Variants in CNTNAP2 observed in about 807,000 individuals in gnomAD.
CNTNAP2 encodes the protein contactin-associated protein-like 2.
In CNTNAP2, 98 loss-of-function variants were observed where a neutral mutation model predicts 155.2. The observed-to-expected ratio is 0.63, with a 90% confidence interval of 0.54 to 0.75. The LOEUF is 0.75. Among genes scored for constraint, CNTNAP2 ranks in the 30% least tolerant of loss-of-function variants. The pLI, the probability that CNTNAP2 is intolerant of heterozygous loss-of-function variation, is 0.00. For missense variants in CNTNAP2, 1,727 were observed against 1,688.1 expected (o/e 1.02, Z -0.40); for synonymous variants, 651 against 631.2 (o/e 1.03, Z -0.47).
intron 1 of CNTNAP2, among the ~76,000 whole-genome samples, chr7:146,383,788 G>A (rs1173228894): frequency 6.6e-6 from 1 of 152,068 alleles, no homozygotes; most frequent in East Asian, 1.9e-4. Context: ...CAATAGTCTT[G>A]TTTTCATTTG....
intron 16 of CNTNAP2, among the ~76,000 whole-genome samples, chr7:148,129,535 C>T (rs1460105048): frequency 6.6e-6 from 1 of 152,066 alleles, no homozygotes; most frequent in East Asian, 1.9e-4. Context: ...AAGATATGCA[C>T]ATTTTACCGT....
At chr7:147,920,271 A>C (rs1043624740) in intron 14 of CNTNAP2, among the ~76,000 whole-genome samples, 17 of 144,898 alleles carry the variant, frequency 1.2e-4, no homozygotes, top group Non-Finnish European at 2.2e-4. Context: ...CAGGAGAATC[A>C]CTTGAACCTG....
intron 15 of CNTNAP2, among the ~76,000 whole-genome samples, chr7:148,061,761 CAAT>C (rs1201130091): frequency 6.6e-6 from 1 of 151,824 alleles, no homozygotes; most frequent in Admixed American, 6.6e-5. Flanking sequence ...AAAGACTAAA[CAAT>C]ATAAGACAAT....
intron 1 of CNTNAP2, among the ~76,000 whole-genome samples, chr7:146,618,455 G>A (rs1282489199): frequency 6.6e-6 from 1 of 152,092 alleles, no homozygotes; most frequent in Non-Finnish European, 1.5e-5. Flanking sequence ...CAACCTATCT[G>A]TATTACACTA....
intron 13 of CNTNAP2, among the ~76,000 whole-genome samples, chr7:147,791,441 G>GTC (rs201629517): frequency 1.4e-5 from 2 of 140,880 alleles, no homozygotes; most frequent in Admixed American, 7.2e-5. Context: ...TCTGTTTGCT[G>GTC]TCTCTCTCTC....
chr7:146,418,273 C>T (rs1795964528), intron 1 of CNTNAP2, among the ~76,000 whole-genome samples: 1 of 152,196 alleles, frequency 6.6e-6, no homozygotes, highest in Non-Finnish European at 1.5e-5. Flanking sequence ...AACTCTGTTT[C>T]ACTCGGCCAC....
intron 1 of CNTNAP2, among the ~76,000 whole-genome samples, chr7:146,380,784 CTTTTTTTTTTTTTTTTTTTT>C (rs56886106): frequency 3.1e-4 from 12 of 38,810 alleles, no homozygotes; most frequent in Non-Finnish European, 4.4e-4. Flanking sequence ...TATGCACGTT[CTTTTTTTTTTTTTTTTTTTT>C]TTTTTTTTTT....
At chr7:146,677,490 GC>G (rs1427288605) in intron 1 of CNTNAP2, among the ~76,000 whole-genome samples, 18 of 152,096 alleles carry the variant, frequency 1.2e-4, no homozygotes, top group African/African-American at 3.4e-4. Flanking sequence ...CCTTCGGAAT[GC>G]CCTTGGCTGA....
At chr7:146,163,889 A>G (rs1274697374) in intron 1 of CNTNAP2, among the ~76,000 whole-genome samples, 2 of 152,140 alleles carry the variant, frequency 1.3e-5, no homozygotes, top group Non-Finnish European at 2.9e-5. Flanking sequence ...TGAGTTTAGT[A>G]AGTGTTCCAG....
chr7:146,969,229 A>G (rs1039727458), intron 3 of CNTNAP2, among the ~76,000 whole-genome samples: 3 of 152,134 alleles, frequency 2.0e-5, no homozygotes, highest in African/African-American at 7.2e-5. Flanking sequence ...CTTTACTTCC[A>G]ACTATGTGGT....
At chr7:146,756,786 C>A (rs754944116) in intron 1 of CNTNAP2, among the ~76,000 whole-genome samples, 4 of 151,858 alleles carry the variant, frequency 2.6e-5, no homozygotes, top group African/African-American at 9.7e-5. Flanking sequence ...CTGTTCTTAG[C>A]GCATTTGAAA....
intron 13 of CNTNAP2, among the ~76,000 whole-genome samples, chr7:147,653,990 A>G (rs1167389222): frequency 6.6e-6 from 1 of 152,242 alleles, no homozygotes; most frequent in Non-Finnish European, 1.5e-5. Flanking sequence ...GAAGCTTAAT[A>G]TGTAAACGAG....
intron 14 of CNTNAP2, among the ~76,000 whole-genome samples, chr7:147,915,573 ATAAAATGT>A (rs1800144373): frequency 5.9e-5 from 9 of 152,294 alleles, no homozygotes; most frequent in Admixed American, 5.9e-4. Flanking sequence ...TGTGTATAAA[ATAAAATGT>A]TAAAATGGAC....
intron 1 of CNTNAP2, among the ~76,000 whole-genome samples, chr7:146,719,725 T>G (rs578224453): frequency 5.0e-5 from 5 of 99,162 alleles, no homozygotes; most frequent in African/African-American, 3.5e-4. Flanking sequence ...CTTTCTCCAT[T>G]TTTTTTTTGA....
At chr7:147,976,014 T>G (rs1371125210) in intron 14 of CNTNAP2, among the ~76,000 whole-genome samples, 1 of 150,622 alleles carries the variant, frequency 6.6e-6, no homozygotes, top group African/African-American at 2.5e-5. Flanking sequence ...GCATCATACA[T>G]AGACAATACA....
intron 13 of CNTNAP2, among the ~76,000 whole-genome samples, chr7:147,701,113 T>C (rs553161889): frequency 4.6e-5 from 7 of 152,320 alleles, no homozygotes; most frequent in South Asian, 2.1e-4. Flanking sequence ...CATAACTCCT[T>C]AGAGATGCAT....
intron 13 of CNTNAP2, among the ~76,000 whole-genome samples, chr7:147,661,117 C>T (rs1163427007): frequency 6.6e-6 from 1 of 152,138 alleles, no homozygotes; most frequent in Non-Finnish European, 1.5e-5. Context: ...CTATAATATG[C>T]ACTTCCCTCC....
chr7:147,759,049 C>T (rs1430706535), intron 13 of CNTNAP2, among the ~76,000 whole-genome samples: 8 of 151,942 alleles, frequency 5.3e-5, no homozygotes, highest in Non-Finnish European at 1.2e-4. Context: ...ATATAATAAG[C>T]TTTTCATGAA....
At chr7:146,869,371 C>A (rs182630957) in intron 3 of CNTNAP2, among the ~76,000 whole-genome samples, 4 of 152,202 alleles carry the variant, frequency 2.6e-5, no homozygotes, top group Admixed American at 6.5e-5. Context: ...GGCATGAAAC[C>A]TACTTGATCA....
Sources: gnomAD v4.1 joint callset for allele counts (sites outside exome capture counted in the v4.1 genomes callset) on GRCh38, gnomAD v4.1.1 for gene constraint, MANE v1.5 for transcripts, NCBI Gene and HGNC (gene_info 2026-07-23, HGNC 2026-07-21) for gene names.